Variants in ACVR1C observed in about 807,000 individuals in gnomAD.
ACVR1C encodes the protein activin receptor type-1C.
A neutral mutation model predicts 57.9 loss-of-function variants in ACVR1C; 23 were observed. The observed-to-expected ratio is 0.40, with a 90% CI of 0.29 to 0.56. The LOEUF (loss-of-function observed/expected upper bound fraction) is 0.56, where lower values mean the gene tolerates loss of function less well. ACVR1C is among the 20% of genes least tolerant of loss of function. The pLI, the probability that ACVR1C is intolerant of heterozygous loss-of-function variation, is 0.50. For synonymous variants in ACVR1C, 214 were observed against 215.3 expected (o/e 0.99, Z 0.05); for missense variants, 480 against 607.9 (o/e 0.79, Z 2.21).
rs540460825 is a variant in ACVR1C at position 157,610,198 on chromosome 2, T to C, written c.73+18374A>G. Among the ~76,000 whole-genome samples, 22 of 152,238 alleles carry C rather than the reference T, an allele frequency of 1.4e-4. No homozygotes were observed. The South Asian group carries it at 2.7e-3, about 19-fold the overall frequency. ...CTTTTTCATGATGGTTGTCTTTTTG[T>C]TTCCAGGTTTAGGACTCCCTTGAGC... On this transcript the variant is annotated intron_variant, in intron 1 of 8. Transcript: ENST00000243349.
At chr2:157,577,682 G>T (rs983656021) in intron 2 of ACVR1C, among the ~76,000 whole-genome samples, 11 of 151,918 alleles carry the variant, frequency 7.2e-5, no homozygotes, top group African/African-American at 2.7e-4. Flanking sequence ...ACATTTAATT[G>T]AATTTGTTTT....
intron 2 of ACVR1C, among the ~76,000 whole-genome samples, chr2:157,581,468 G>C (rs772713389): frequency 3.9e-5 from 6 of 152,034 alleles, no homozygotes; most frequent in Non-Finnish European, 8.8e-5. Flanking sequence ...CCACTGTAAG[G>C]ATACACACCT....
intron 1 of ACVR1C, among the ~76,000 whole-genome samples, chr2:157,615,015 A>G (rs1682610331): frequency 6.6e-6 from 1 of 152,192 alleles, no homozygotes; most frequent in African/African-American, 2.4e-5. Flanking sequence ...TATTGGTATA[A>G]CTGAATGAAA....
At chr2:157,623,612 G>A (rs1239685212) in intron 1 of ACVR1C, among the ~76,000 whole-genome samples, 1 of 152,086 alleles carries the variant, frequency 6.6e-6, no homozygotes, top group Non-Finnish European at 1.5e-5. Flanking sequence ...AGGGTAGTAG[G>A]GGGTTGGTGG....
chr2:157,586,700 G>A (rs138343297), intron 2 of ACVR1C, among the ~76,000 whole-genome samples: 18 of 152,172 alleles, frequency 1.2e-4, no homozygotes, highest in African/African-American at 4.3e-4. Context: ...TCTGGGGTGT[G>A]CTCTCACTTG....
chr2:157,574,369 G>C (rs1189659654), intron 2 of ACVR1C, among the ~76,000 whole-genome samples: 3 of 152,136 alleles, frequency 2.0e-5, no homozygotes, highest in East Asian at 1.9e-4. Context: ...GAGGGCACTA[G>C]TCTCATTCAT....
chr2:157,579,825 C>T (rs910273864), intron 2 of ACVR1C, among the ~76,000 whole-genome samples: 19 of 152,212 alleles, frequency 1.2e-4, no homozygotes, highest in Non-Finnish European at 2.4e-4. Context: ...ATCTAAATTT[C>T]GGATACTTTT....
chr2:157,553,502 G>A (rs1218879590), intron 3 of ACVR1C, among the ~76,000 whole-genome samples: 2 of 151,928 alleles, frequency 1.3e-5, no homozygotes, highest in African/African-American at 4.8e-5. Context: ...ACCAGAAAAT[G>A]TAACATTAAT....
At chr2:157,617,693 C>T (rs1682684038) in intron 1 of ACVR1C, among the ~76,000 whole-genome samples, 1 of 151,732 alleles carries the variant, frequency 6.6e-6, no homozygotes, top group South Asian at 2.1e-4. Flanking sequence ...TGAAGTATTT[C>T]AAAGAAAATA....
chr2:157,625,048 T>C (rs749798215), intron 1 of ACVR1C, among the ~76,000 whole-genome samples: 15 of 152,216 alleles, frequency 9.9e-5, no homozygotes, highest in Non-Finnish European at 1.6e-4. Context: ...TATCAGTAAA[T>C]GCCCTTGGCT....
chr2:157,627,823 T>C (rs1682929941), intron 1 of ACVR1C, among the ~76,000 whole-genome samples: 1 of 152,278 alleles, frequency 6.6e-6, no homozygotes, highest in African/African-American at 2.4e-5. Context: ...CAGCATATTA[T>C]GATTTTACCA....
Position 157,556,207 on chromosome 2 carries a change from T to C in ACVR1C, c.430A>G (p.Arg144Gly). The change falls in exon 3 of 9, where the codon AGG becomes GGG. Residue 144 changes from arginine to glycine, a missense_variant. Coordinates refer to ENST00000243349, the MANE Select transcript of ACVR1C (RefSeq NM_145259.3). The stretch of plus-strand genomic sequence containing the variant: ...TCCACATTTGGTCTCTTTTTCTTCC[T>C]GTAGGAGCACTGTCGACCCTGGCAT... ...WACQGRQCSY[R>G]KKKRPNVEEP... The C allele has an allele frequency of 6.2e-7, 1 of 1,614,084 alleles. No homozygotes were observed.
chr2:157,603,854 T>G (rs935743563), intron 1 of ACVR1C, among the ~76,000 whole-genome samples: 2 of 152,126 alleles, frequency 1.3e-5, no homozygotes, highest in Non-Finnish European at 2.9e-5. Flanking sequence ...TGGGTAAATT[T>G]TAATTATTTG....
chr2:157,566,750 A>G (rs1688396012), intron 2 of ACVR1C, among the ~76,000 whole-genome samples: 1 of 151,646 alleles, frequency 6.6e-6, no homozygotes, highest in Non-Finnish European at 1.5e-5. Context: ...CAGCAGTCTG[A>G]GATCAAACTG....
intron 1 of ACVR1C, among the ~76,000 whole-genome samples, chr2:157,628,269 G>T (rs111356635): frequency 2.1e-4 from 32 of 152,080 alleles, no homozygotes; most frequent in Non-Finnish European, 4.1e-4. Flanking sequence ...TTTCTCCGCT[G>T]CAAACTGCCC....
intron 1 of ACVR1C, among the ~76,000 whole-genome samples, chr2:157,593,941 C>T (rs1156455470): frequency 6.6e-6 from 1 of 152,040 alleles, no homozygotes; most frequent in Non-Finnish European, 1.5e-5. Flanking sequence ...TTCAGAACTC[C>T]ACAAATAAGG....
intron 2 of ACVR1C, among the ~76,000 whole-genome samples, chr2:157,574,556 T>G (rs1317372635): frequency 6.6e-6 from 1 of 152,188 alleles, no homozygotes; most frequent in East Asian, 1.9e-4. Context: ...ACTGTGTAGA[T>G]CAAATAAAAC....
intron 1 of ACVR1C, chr2:157,597,589 C>A (rs529035331): frequency 1.0e-6 from 1 of 985,228 alleles, no homozygotes; most frequent in African/African-American, 1.7e-5. Context: ...GACGGCTTCC[C>A]GGCGCACCCG....
intron 1 of ACVR1C, among the ~76,000 whole-genome samples, chr2:157,621,473 T>C (rs749261870): frequency 6.6e-6 from 1 of 152,172 alleles, no homozygotes; most frequent in Non-Finnish European, 1.5e-5. Context: ...GGAGTAGTGA[T>C]TTGTATTGTT....
Sources: gnomAD v4.1 joint callset for allele counts (sites outside exome capture counted in the v4.1 genomes callset) on GRCh38, gnomAD v4.1.1 for gene constraint, MANE v1.5 for transcripts, NCBI Gene and HGNC (gene_info 2026-07-23, HGNC 2026-07-21) for gene names.